Variants in DCBLD2 observed in about 807,000 individuals in gnomAD.
The protein encoded by DCBLD2 is discoidin, CUB and LCCL domain containing 2, also known as discoidin, CUB and LCCL domain-containing protein 2.
Under a neutral mutation model 86.8 loss-of-function variants are expected in DCBLD2, and 54 were observed. That is an observed-to-expected ratio of 0.62 (90% confidence interval 0.50 to 0.78). DCBLD2 has a LOEUF of 0.78. DCBLD2 is among the 30% of genes least tolerant of loss of function. DCBLD2 has a pLI of 0.00. For synonymous variants in DCBLD2, 354 were observed against 341.3 expected, an observed-to-expected ratio of 1.04 and a Z score of -0.41; for missense variants, 908 against 954.2, an observed-to-expected ratio of 0.95 and a Z score of 0.64.
intron 13 of DCBLD2, among the ~76,000 whole-genome samples, chr3:98,803,116 T>C (rs139096146): frequency 0.14 from 21,647 of 152,212 alleles, 1,574 homozygotes; most frequent in Middle Eastern, 0.18. Flanking sequence ...GGGGATGGCA[T>C]TGATCTATAA....
intron 4 of DCBLD2, among the ~76,000 whole-genome samples, chr3:98,823,746 T>A (rs1290835687): frequency 6.6e-6 from 1 of 152,200 alleles, no homozygotes; most frequent in African/African-American, 2.4e-5. Flanking sequence ...CTTTAGGTAA[T>A]CCATATAAGA....
chr3:98,830,322 A>AC (rs552194809), intron 3 of DCBLD2, among the ~76,000 whole-genome samples: 265 of 152,268 alleles, frequency 1.7e-3, no homozygotes, highest in Admixed American at 6.5e-3. Flanking sequence ...AGTTCCTATG[A>AC]CAGAATGCTA....
At chr3:98,833,041 C>A (rs1942351908) in intron 3 of DCBLD2, among the ~76,000 whole-genome samples, 1 of 152,180 alleles carries the variant, frequency 6.6e-6, no homozygotes, top group Non-Finnish European at 1.5e-5. Context: ...TGTTTGCTTT[C>A]TCCCCATCCA....
At chr3:98,817,343 T>G (rs1195172095) in intron 9 of DCBLD2, among the ~76,000 whole-genome samples, 1 of 152,246 alleles carries the variant, frequency 6.6e-6, no homozygotes, top group East Asian at 1.9e-4. Flanking sequence ...TTTTCATCTC[T>G]AATATCCTAT....
intron 3 of DCBLD2, among the ~76,000 whole-genome samples, chr3:98,839,344 T>G (rs1942577887): frequency 6.6e-6 from 1 of 151,998 alleles, no homozygotes. Context: ...ACCTGGGTGT[T>G]CCAGTTGAAG....
chr3:98,818,019 C>A, intron 8 of DCBLD2, 126 bp from the exon 9 acceptor site: 1 of 1,200,050 alleles, frequency 8.3e-7, no homozygotes, highest in Non-Finnish European at 1.1e-6. Flanking sequence ...TTTCCATATC[C>A]AAGTGCACGT....
intron 2 of DCBLD2, among the ~76,000 whole-genome samples, chr3:98,865,823 T>TA (rs1276080994): frequency 2.0e-5 from 3 of 152,152 alleles, no homozygotes; most frequent in Admixed American, 2.0e-4. Context: ...ACTCGTCATT[T>TA]ACATTAGGTA....
chr3:98,852,193 TG>T (rs1942852274), intron 2 of DCBLD2, among the ~76,000 whole-genome samples: 1 of 152,208 alleles, frequency 6.6e-6, no homozygotes, highest in South Asian at 2.1e-4. Flanking sequence ...TTCCAATGTG[TG>T]TTTACTTGTA....
At chr3:98,803,452 G>A (rs1178396155) in intron 13 of DCBLD2, among the ~76,000 whole-genome samples, 2 of 152,192 alleles carry the variant, frequency 1.3e-5, no homozygotes, top group African/African-American at 2.4e-5. Flanking sequence ...GGGCTGAGAT[G>A]ATGGGGTTTT....
In DCBLD2 at chr3:98,822,575, TAAG is replaced by T. The variant is rs945830203; in HGVS notation, c.696+91_696+93del. Reference sequence around the variant, plus strand: ...AAAAATGTCTTAAAAAGGCAAAAGATAAGGATATATGATTAACACACCTCTAAC... The same window carrying T: ...AAAAATGTCTTAAAAAGGCAAAAGATGATATATGATTAACACACCTCTAAC... On this transcript the variant is annotated intron_variant, in intron 5 of 15. Coordinates refer to ENST00000326840, the MANE Select transcript of DCBLD2 (RefSeq NM_080927.4). 3.8e-4 allele frequency: 497 copies of T among 1,317,516 alleles called. 2 individuals are homozygous for T. The African/African-American group carries it at 6.0e-3, about 16-fold the overall frequency. The allele number at this position is 1,317,516 out of a possible 1,614,324, so 81.6% of individuals were successfully genotyped here.
intron 2 of DCBLD2, among the ~76,000 whole-genome samples, chr3:98,861,975 C>T (rs866773371): frequency 3.3e-5 from 5 of 151,906 alleles, no homozygotes; most frequent in Middle Eastern, 3.2e-3. Context: ...TGATAGATTG[C>T]TAGCAAGACT....
chr3:98,805,327 C>T (rs141253663), intron 13 of DCBLD2, among the ~76,000 whole-genome samples: 13 of 152,250 alleles, frequency 8.5e-5, no homozygotes, highest in African/African-American at 3.1e-4. Context: ...AAACACCTTT[C>T]TCCCTGAAAA....
chr3:98,823,604 CA>C (rs753087005), intron 4 of DCBLD2, among the ~76,000 whole-genome samples: 2 of 149,818 alleles, frequency 1.3e-5, no homozygotes, highest in Non-Finnish European at 3.0e-5. Context: ...GACATTAAAC[CA>C]ATACTTACAC....
At chr3:98,871,408 G>C (rs1184851063) in intron 2 of DCBLD2, among the ~76,000 whole-genome samples, 1 of 152,048 alleles carries the variant, frequency 6.6e-6, no homozygotes, top group African/African-American at 2.4e-5. Flanking sequence ...CAGTATGTTG[G>C]CTGTGAGTTT....
chr3:98,799,099 G>A lies in DCBLD2; in HGVS notation c.*273C>T. The stretch of plus-strand genomic sequence containing the variant: ...CTGTGATTTTTAATTTCTCTGAAGT[G>A]CATTATAGGGAGCTTTTTCTGTATT... On this transcript the variant is annotated 3_prime_UTR_variant, in exon 16 of 16. Transcript: ENST00000326840. 1 of 310,038 alleles carries A rather than the reference G, an allele frequency of 3.2e-6. No individual in the cohort carries two copies. The highest frequency in any genetic ancestry group is 6.0e-6 in the Non-Finnish European group (1 of 166,418). 19.2% of individuals were successfully genotyped at this position (310,038 alleles called of 1,614,324 possible).
At chr3:98,884,934 G>A (rs1374077746) in intron 1 of DCBLD2, among the ~76,000 whole-genome samples, 1 of 152,126 alleles carries the variant, frequency 6.6e-6, no homozygotes, top group Non-Finnish European at 1.5e-5. Context: ...CACGCAGAGT[G>A]TTAGGAGTAA....
In DCBLD2 at chr3:98,870,797, GAAAGAAAGA is replaced by G. The variant is rs1943264777; in HGVS notation, c.433+10734_433+10742del. 4.0e-5 allele frequency among the ~76,000 whole-genome samples: 6 copies of G among 150,966 alleles called. 1 individual carries two copies. Among genetic ancestry groups the G allele is most frequent in the East Asian group, 1.9e-4 (1 of 5,140 alleles). Reference sequence around the variant, plus strand: ...AGAAAGAAAGAAAGAAAGAAAGAAAGAAAGAAAGAAAGAAAGGTAGGCAGGCATTGGTGG... The same window carrying G: ...AGAAAGAAAGAAAGAAAGAAAGAAAGAAGAAAGGTAGGCAGGCATTGGTGG... On this transcript the variant is annotated intron_variant, in intron 2 of 15. Coordinates refer to ENST00000326840, the MANE Select transcript of DCBLD2 (RefSeq NM_080927.4).
At chr3:98,820,812 A>G (rs1255261477) in intron 6 of DCBLD2, 1 of 148,294 alleles carries the variant, frequency 6.7e-6, no homozygotes, top group Non-Finnish European at 1.5e-5. Context: ...TCATGGAAGA[A>G]GTTTCAGTGT....
chr3:98,804,979 A>C (rs1941804050), intron 13 of DCBLD2: 1 of 151,916 alleles, frequency 6.6e-6, no homozygotes, highest in African/African-American at 2.4e-5. Flanking sequence ...TGGTCAATTA[A>C]AAATATGGAA....
Sources: gnomAD v4.1 joint callset for allele counts (sites outside exome capture counted in the v4.1 genomes callset) on GRCh38, gnomAD v4.1.1 for gene constraint, MANE v1.5 for transcripts, NCBI Gene and HGNC (gene_info 2026-07-23, HGNC 2026-07-21) for gene names.